NCOA1: variants seen among roughly 807,000 people sequenced by gnomAD.
NCOA1 encodes the protein nuclear receptor coactivator 1.
A neutral mutation model predicts 150.9 loss-of-function variants in NCOA1; 35 were observed. The ratio of observed to expected loss-of-function variants is 0.23; its 90% CI spans 0.18 to 0.31. The LOEUF (loss-of-function observed/expected upper bound fraction) is 0.31, where lower values mean the gene tolerates loss of function less well. Among genes scored for constraint, NCOA1 ranks in the 10% least tolerant of loss-of-function variants. The pLI, the probability that NCOA1 is intolerant of heterozygous loss-of-function variation, is 1.00. For synonymous variants in NCOA1, 590 were observed against 630.0 expected (o/e 0.94, Z 0.95); for missense variants, 1,491 against 1,749.3 (o/e 0.85, Z 2.63).
At chr2:24,525,713 A>G (rs999214210) in intron 1 of NCOA1, among the ~76,000 whole-genome samples, 32 of 151,664 alleles carry the variant, frequency 2.1e-4, no homozygotes, top group Middle Eastern at 3.4e-3. Flanking sequence ...TGCCTGGCTA[A>G]TTTTTTTGTA....
intron 5 of NCOA1, among the ~76,000 whole-genome samples, chr2:24,663,912 A>C (rs2119115): frequency 0.2 from 29,924 of 152,144 alleles, 3,110 homozygotes; most frequent in Non-Finnish European, 0.23. Flanking sequence ...TTTACACAAA[A>C]CTTACCATCA....
intron 2 of NCOA1, among the ~76,000 whole-genome samples, chr2:24,583,497 A>G (rs1223505860): frequency 6.6e-6 from 1 of 152,168 alleles, no homozygotes. Flanking sequence ...ATACTCCTCA[A>G]AACTAAAAAT....
rs75351070 is a variant in NCOA1 at position 24,699,811 on chromosome 2, A to T, written c.949+2013A>T. Among the ~76,000 whole-genome samples, 537 of 152,314 alleles carry T rather than the reference A, an allele frequency of 3.5e-3. 16 individuals are homozygous for T. The East Asian group carries it at 0.073, about 21-fold the overall frequency. ...AGTGACCTGCTGAATTAAAATATCAAATGAAGGCCTGCCCAGATATCTTAA... is the reference window on the plus strand; with the variant it reads ...AGTGACCTGCTGAATTAAAATATCATATGAAGGCCTGCCCAGATATCTTAA... On this transcript the variant is annotated intron_variant, in intron 11 of 22. Coordinates refer to ENST00000348332, the MANE Select transcript of NCOA1 (RefSeq NM_003743.5).
chr2:24,518,365 A>G (rs1313946799), intron 1 of NCOA1, among the ~76,000 whole-genome samples: 2 of 152,164 alleles, frequency 1.3e-5, no homozygotes, highest in Non-Finnish European at 2.9e-5. Context: ...TATTTATGAA[A>G]AACCTACGGT....
At chr2:24,627,542 T>C (rs926564548) in intron 3 of NCOA1, among the ~76,000 whole-genome samples, 5 of 152,168 alleles carry the variant, frequency 3.3e-5, no homozygotes, top group Admixed American at 6.5e-5. Context: ...AGTTATCTGA[T>C]AAAATCTATG....
At chr2:24,588,528 T>C (rs558339583) in intron 3 of NCOA1, among the ~76,000 whole-genome samples, 7 of 152,330 alleles carry the variant, frequency 4.6e-5, no homozygotes, top group African/African-American at 1.7e-4. Flanking sequence ...AGATTGTCTT[T>C]AGCCTGCTAT....
chr2:24,497,595 CA>C (rs1303124385), intron 1 of NCOA1, among the ~76,000 whole-genome samples: 1 of 152,004 alleles, frequency 6.6e-6, no homozygotes, highest in Non-Finnish European at 1.5e-5. Context: ...TTGCTTGAAC[CA>C]GGGAGGCGGA....
intron 2 of NCOA1, among the ~76,000 whole-genome samples, chr2:24,569,629 T>G (rs546006966): frequency 6.8e-6 from 1 of 146,194 alleles, no homozygotes; most frequent in African/African-American, 2.5e-5. Flanking sequence ...CCTAGCATTT[T>G]GGGAGGCCTA....
At chr2:24,639,126 A>G (rs1572526061) in intron 3 of NCOA1, among the ~76,000 whole-genome samples, 1 of 151,726 alleles carries the variant, frequency 6.6e-6, no homozygotes, top group African/African-American at 2.4e-5. Flanking sequence ...ATCCTCTCCT[A>G]TTTTCCTGAA....
At chr2:24,662,285 C>T (rs1417797416) in intron 5 of NCOA1, among the ~76,000 whole-genome samples, 1 of 152,226 alleles carries the variant, frequency 6.6e-6, no homozygotes, top group Middle Eastern at 3.2e-3. Flanking sequence ...GTTACCTCTT[C>T]TCCATTCATT....
At chr2:24,542,325 A>G (rs953838393) in intron 1 of NCOA1, among the ~76,000 whole-genome samples, 1 of 152,326 alleles carries the variant, frequency 6.6e-6, no homozygotes, top group Admixed American at 6.5e-5. Context: ...GGAAAATTCT[A>G]CAAATATTCA....
chr2:24,502,153 G>A (rs1430386175), intron 1 of NCOA1, among the ~76,000 whole-genome samples: 1 of 152,128 alleles, frequency 6.6e-6, no homozygotes, highest in African/African-American at 2.4e-5. Context: ...TTGTATGGGT[G>A]TAGAGACAGG....
At chr2:24,606,885 C>A (rs946670696) in intron 3 of NCOA1, among the ~76,000 whole-genome samples, 3 of 152,114 alleles carry the variant, frequency 2.0e-5, no homozygotes, top group African/African-American at 7.2e-5. Flanking sequence ...TAACCACAGT[C>A]CCTTGCTAAT....
intron 1 of NCOA1, among the ~76,000 whole-genome samples, chr2:24,558,483 C>T (rs1286711619): frequency 6.6e-6 from 1 of 152,092 alleles, no homozygotes; most frequent in Non-Finnish European, 1.5e-5. Flanking sequence ...AAAGTGGAAA[C>T]CCCTGATAAA....
intron 8 of NCOA1, among the ~76,000 whole-genome samples, chr2:24,684,430 C>T (rs1450570910): frequency 1.3e-5 from 2 of 152,132 alleles, no homozygotes; most frequent in African/African-American, 4.8e-5. Flanking sequence ...CCTGTTCTGC[C>T]TGGTTCTCAG....
chr2:24,583,690 A>G (rs549468922), intron 2 of NCOA1, among the ~76,000 whole-genome samples: 21 of 152,352 alleles, frequency 1.4e-4, no homozygotes, highest in African/African-American at 4.1e-4. Flanking sequence ...ATATATATAC[A>G]GAATGGAATA....
chr2:24,708,703 C>G (rs967800396), intron 13 of NCOA1, among the ~76,000 whole-genome samples: 1 of 152,190 alleles, frequency 6.6e-6, no homozygotes, highest in African/African-American at 2.4e-5. Flanking sequence ...ATCCACGAGA[C>G]TCCATTCTAA....
intron 3 of NCOA1, among the ~76,000 whole-genome samples, chr2:24,610,983 A>G (rs534708883): frequency 2.0e-5 from 3 of 152,254 alleles, no homozygotes; most frequent in Admixed American, 6.5e-5. Flanking sequence ...TTCAGGGAGT[A>G]CATGTACAGG....
Position 24,671,975 on chromosome 2 carries a change from T to C in NCOA1, c.257-1391T>C, listed in dbSNP as rs78178821. Among the ~76,000 whole-genome samples the C allele has an allele frequency of 9.2e-4, 140 of 152,302 alleles. 2 individuals are homozygous for C. In the East Asian group the frequency reaches 0.016, roughly 17 times the overall value. The stretch of plus-strand genomic sequence containing the variant: ...TTTAGGGAATAATGATGAAAAAATC[T>C]ATATGTATTCAGCACAGACACAATT... On this transcript the variant is annotated intron_variant, in intron 6 of 22. Coordinates refer to ENST00000348332, the MANE Select transcript of NCOA1 (RefSeq NM_003743.5).
Sources: allele counts gnomAD v4.1 joint callset (sites outside exome capture counted in the v4.1 genomes callset), GRCh38; gene constraint gnomAD v4.1.1; transcripts MANE v1.5; gene names NCBI Gene and HGNC (gene_info 2026-07-23, HGNC 2026-07-21).